The following GNG12 variants were observed in gnomAD, a reference collection of about 807,000 sequenced individuals.
GNG12 encodes G protein subunit gamma 12, also known as guanine nucleotide-binding protein G(I)/G(S)/G(O) subunit gamma-12.
For synonymous variants in GNG12, 28 were observed against 29.7 expected, an observed-to-expected ratio of 0.94 and a Z score of 0.19; for missense variants, 69 against 83.8, an observed-to-expected ratio of 0.82 and a Z score of 0.69.
At chr1:67,716,363 G>GAAT (rs1278515630) in intron 2 of GNG12, among the ~76,000 whole-genome samples, 1 of 152,214 alleles carries the variant, frequency 6.6e-6, no homozygotes, top group South Asian at 2.1e-4. Context: ...ACATGTCCCT[G>GAAT]AATAATAATA....
intron 3 of GNG12, 98 bp downstream of exon 3, chr1:67,707,496 G>A (rs370938673): frequency 4.1e-5 from 31 of 747,782 alleles, no homozygotes; most frequent in Non-Finnish European, 6.3e-5. Context: ...GGAAGCAAGC[G>A]GAATGAAATG....
intron 1 of GNG12, among the ~76,000 whole-genome samples, chr1:67,819,596 G>A (rs1261346892): frequency 6.6e-6 from 1 of 152,074 alleles, no homozygotes; most frequent in Non-Finnish European, 1.5e-5. Context: ...GCTTATTTCT[G>A]AACAAAAAGC....
chr1:67,821,906 A>C (rs1314490865), intron 1 of GNG12, among the ~76,000 whole-genome samples: 1 of 152,022 alleles, frequency 6.6e-6, no homozygotes, highest in South Asian at 2.1e-4. Flanking sequence ...AAACGGGAAA[A>C]CAGGATCTGA....
intron 2 of GNG12, among the ~76,000 whole-genome samples, chr1:67,774,726 A>T (rs1646694314): frequency 6.6e-6 from 1 of 152,028 alleles, no homozygotes; most frequent in Non-Finnish European, 1.5e-5. Flanking sequence ...CCAAATCAAA[A>T]TGCCTTCCTC....
rs565022345 is a variant in GNG12, at chr1:67,730,505, C to G, written c.-26-22793G>C. Among the ~76,000 whole-genome samples, 4 of 152,018 alleles carry G rather than the reference C, an allele frequency of 2.6e-5. No individual in the cohort carries two copies. In the East Asian group the frequency reaches 7.8e-4, roughly 29 times the overall value. ...GGTCAACAGAGCAAGACGCCACCCC[C>G]CAACCGCCCCCGCACCGACCCCCGC... On this transcript the variant is annotated intron_variant, in intron 2 of 3. Transcript: ENST00000370982.
At chr1:67,810,755 G>A (rs1646920092) in intron 1 of GNG12, among the ~76,000 whole-genome samples, 1 of 152,102 alleles carries the variant, frequency 6.6e-6, no homozygotes, top group South Asian at 2.1e-4. Flanking sequence ...GATATGGAAG[G>A]GATCTGGCCT....
chr1:67,803,414 T>C (rs997726378), intron 1 of GNG12, among the ~76,000 whole-genome samples: 8 of 152,016 alleles, frequency 5.3e-5, no homozygotes, highest in African/African-American at 1.9e-4. Context: ...ATGGTGACAA[T>C]GAAAAAAAGG....
rs1205926428 is a variant in GNG12, at chr1:67,801,878, G to A, written c.-76-24371C>T. Among the ~76,000 whole-genome samples, 17 of 151,010 alleles carry A rather than the reference G, an allele frequency of 1.1e-4. No individual in the cohort carries two copies. The Admixed American group carries it at 1.1e-3, about 10-fold the overall frequency. ...TACAAGACAACCAGCATCGTTCTTC[G>A]CTCAATAAATTTTGCCTATAAAAAA... On this transcript the variant is annotated intron_variant, in intron 1 of 3. Transcript: ENST00000370982.
chr1:67,748,719 C>T (rs1646520883), intron 2 of GNG12, among the ~76,000 whole-genome samples: 1 of 152,148 alleles, frequency 6.6e-6, no homozygotes, highest in South Asian at 2.1e-4. Flanking sequence ...AACTCTCCCC[C>T]AAACAAGGGA....
chr1:67,809,658 G>T (rs1402433990), intron 1 of GNG12, among the ~76,000 whole-genome samples: 3 of 152,034 alleles, frequency 2.0e-5, no homozygotes, highest in Non-Finnish European at 4.4e-5. Flanking sequence ...ACATACAGAT[G>T]GCAAGTAAGT....
At chr1:67,773,035 A>G (rs1460590193) in intron 2 of GNG12, among the ~76,000 whole-genome samples, 1 of 152,244 alleles carries the variant, frequency 6.6e-6, no homozygotes, top group African/African-American at 2.4e-5. Context: ...CTGTGCCTGA[A>G]GCCCTTACTA....
intron 2 of GNG12, among the ~76,000 whole-genome samples, chr1:67,710,218 T>TTATATATATATAGTTATATATATAGTTA (rs1557592496): frequency 1.1e-4 from 11 of 97,904 alleles, no homozygotes; most frequent in East Asian, 2.6e-4. Flanking sequence ...ATATATATAG[T>TTATATATATATAGTTATATATATAGTTA]TATATATATA....
chr1:67,706,890 C>T (rs928940157), intron 3 of GNG12, among the ~76,000 whole-genome samples: 1 of 152,072 alleles, frequency 6.6e-6, no homozygotes, highest in Non-Finnish European at 1.5e-5. Flanking sequence ...GAATTCCCAA[C>T]CTCAGGTGAT....
At chr1:67,776,559 A>T (rs1301394774) in intron 2 of GNG12, among the ~76,000 whole-genome samples, 1 of 152,108 alleles carries the variant, frequency 6.6e-6, no homozygotes, top group East Asian at 1.9e-4. Context: ...CATATGAACA[A>T]ACTTGGGGTA....
rs113679260 is a variant in GNG12 at position 67,747,880 on chromosome 1, G to A, written c.-27+29578C>T. Among the ~76,000 whole-genome samples, 748 of 152,308 alleles carry A rather than the reference G, an allele frequency of 4.9e-3. 5 individuals carry two copies. Among genetic ancestry groups the A allele is most frequent in the African/African-American group, 0.017 (690 of 41,564 alleles). ...TTAAACTGGATCTTCTAATTGTCCA[G>A]GAACGTATGCTATGCAAACAATGTT... On this transcript the variant is annotated intron_variant, in intron 2 of 3. Transcript: ENST00000370982.
chr1:67,733,674 A>T, intron 2 of GNG12, among the ~76,000 whole-genome samples: 1 of 152,246 alleles, frequency 6.6e-6, no homozygotes, highest in Non-Finnish European at 1.5e-5. Context: ...GAAAATTTGT[A>T]AATTTCTGCA....
At chr1:67,764,535 A>G (rs1646624717) in intron 2 of GNG12, among the ~76,000 whole-genome samples, 1 of 152,190 alleles carries the variant, frequency 6.6e-6, no homozygotes, top group African/African-American at 2.4e-5. Flanking sequence ...GAACTTAGAT[A>G]CCATCCTGAT....
Position 67,797,768 on chromosome 1 carries a change from C to T in GNG12, c.-76-20261G>A, listed in dbSNP as rs541067942. 4.9e-4 allele frequency among the ~76,000 whole-genome samples: 74 copies of T among 152,246 alleles called. No homozygotes were observed. In the South Asian group the frequency reaches 0.014, roughly 29 times the overall value. ...AGTCCAATTCCAGTCAACCAGGGCACGACATACCCATATCATGGCGGGCAC... is the reference window on the plus strand; with the variant it reads ...AGTCCAATTCCAGTCAACCAGGGCATGACATACCCATATCATGGCGGGCAC... On this transcript the variant is annotated intron_variant, in intron 1 of 3. Coordinates refer to ENST00000370982, the MANE Select transcript of GNG12 (RefSeq NM_018841.6).
chr1:67,778,751 G>A lies in GNG12; in HGVS notation c.-76-1244C>T, dbSNP rs115124615. On this transcript the variant is annotated intron_variant, in intron 1 of 3. Coordinates refer to ENST00000370982, the MANE Select transcript of GNG12 (RefSeq NM_018841.6). ...CAAATCTAAGTCGTTTGCCTCCAGA[G>A]TCCATGCTTTTACCCACCACCCTCT... Among the ~76,000 whole-genome samples, 613 of 152,232 alleles carry A rather than the reference G, an allele frequency of 4.0e-3. 5 individuals carry two copies. The highest frequency in any genetic ancestry group is 0.014 in the African/African-American group (583 of 41,538).
Sources: allele counts gnomAD v4.1 joint callset (sites outside exome capture counted in the v4.1 genomes callset), GRCh38; gene constraint gnomAD v4.1.1; transcripts MANE v1.5; gene names NCBI Gene and HGNC (gene_info 2026-07-23, HGNC 2026-07-21).